The following NPHS1 variants were observed in gnomAD, a reference collection of about 807,000 sequenced individuals.
NPHS1 encodes the protein nephrin.
Under a neutral mutation model 139.7 loss-of-function variants are expected in NPHS1, and 107 were observed. The ratio of observed to expected loss-of-function variants is 0.77; its 90% CI spans 0.66 to 0.90. The LOEUF (loss-of-function observed/expected upper bound fraction) is 0.90. Ranked by LOEUF, NPHS1 falls within the 40% of genes least tolerant of loss-of-function variation. NPHS1 has a pLI of 0.00. For synonymous variants in NPHS1, 707 were observed against 706.6 expected (o/e 1.00, Z -0.01); for missense variants, 1,580 against 1,654.2 (o/e 0.96, Z 0.78).
At position 35,826,499 on chromosome 19, in the gene NPHS1, G is replaced by A; in HGVS notation, c.*15C>T. On this transcript the variant is annotated 3_prime_UTR_variant, in exon 29 of 29. Coordinates refer to ENST00000378910, the MANE Select transcript of NPHS1 (RefSeq NM_004646.4). ...AAATTCCTGCAGGTGCAGGACAATG[G>A]GGTTGAGAGGGCTCTTACACCAGAT... 4 of 1,613,260 alleles carry A rather than the reference G, an allele frequency of 2.5e-6. No homozygotes were observed. Among genetic ancestry groups the A allele is most frequent in the Non-Finnish European group, 3.4e-6 (4 of 1,179,934 alleles).
intron 22 of NPHS1, among the ~76,000 whole-genome samples, chr19:35,838,484 C>T (rs985198164): frequency 6.6e-6 from 1 of 151,864 alleles, no homozygotes; most frequent in Non-Finnish European, 1.5e-5. Context: ...ACCCGGGAGG[C>T]GGAGGTTGTA....
At position 35,844,354 on chromosome 19, in the gene NPHS1, A is replaced by T; in HGVS notation, c.2036T>A (p.Phe679Tyr). 1 of 1,613,824 alleles carries T rather than the reference A, an allele frequency of 6.2e-7. No homozygotes were observed. The change falls in exon 15 of 29, where the codon TTC becomes TAC. Residue 679 changes from phenylalanine to tyrosine, a missense_variant. By Grantham distance (22) the Phe-to-Tyr change is conservative (BLOSUM62 3). Transcript: ENST00000378910. The stretch of plus-strand genomic sequence containing the variant: ...GCGATAGCCGCGGAAGGTCCAGTTG[A>T]AGGCCTCGGGGGCGGGGTTAGCGGA... ...SVSANPAPEAFNWTFRGYRLS... is the reference protein window; with the variant it reads ...SVSANPAPEAYNWTFRGYRLS...
chr19:35,841,130 C>G (rs1281172890), intron 20 of NPHS1, among the ~76,000 whole-genome samples: 1 of 151,726 alleles, frequency 6.6e-6, no homozygotes, highest in Non-Finnish European at 1.5e-5. Context: ...TGTAATCCCA[C>G]CACTTTGGGA....
Position 35,826,452 on chromosome 19 carries a change from A to G in NPHS1, c.*62T>C. ...CCTAACCAGCTCGGCCCAGGCTGTAATGAGAGAGACCAGTGGAGTGTAAAT... is the reference window on the plus strand; with the variant it reads ...CCTAACCAGCTCGGCCCAGGCTGTAGTGAGAGAGACCAGTGGAGTGTAAAT... On this transcript the variant is annotated 3_prime_UTR_variant, in exon 29 of 29. Transcript: ENST00000378910. 10 of 1,604,836 alleles carry G rather than the reference A, an allele frequency of 6.2e-6. No individual in the cohort carries two copies. Among genetic ancestry groups the G allele is most frequent in the Non-Finnish European group, 8.5e-6 (10 of 1,173,330 alleles).
At chr19:35,836,342 C>T (rs1340129895) in intron 22 of NPHS1, among the ~76,000 whole-genome samples, 3 of 151,066 alleles carry the variant, frequency 2.0e-5, no homozygotes, top group African/African-American at 4.9e-5. Flanking sequence ...ACTGCAGCCT[C>T]GACCTCCTGG....
intron 28 of NPHS1, among the ~76,000 whole-genome samples, chr19:35,827,811 G>A (rs1972817822): frequency 6.6e-6 from 1 of 152,156 alleles, no homozygotes; most frequent in Non-Finnish European, 1.5e-5. Flanking sequence ...CAGCTACTTG[G>A]GAGGCTGAGG....
In NPHS1 at chr19:35,842,104, C is replaced by T; in HGVS notation, c.2663+20G>A. 1.9e-6 allele frequency: 3 copies of T among 1,597,526 alleles called. No homozygotes were observed. Among genetic ancestry groups the T allele is most frequent in the Non-Finnish European group, 2.6e-6 (3 of 1,173,066 alleles). ...TCCAGACCTGGGGCTGGAGTGCTGC[C>T]TGGCTGGGCTTGGGCTCACCTGGGA... On this transcript the variant is annotated intron_variant, in intron 19 of 28. Coordinates refer to ENST00000378910, the MANE Select transcript of NPHS1 (RefSeq NM_004646.4).
At chr19:35,849,784 T>C (rs946224665) in intron 5 of NPHS1, 131 bp from the exon 6 acceptor site, 27 of 728,278 alleles carry the variant, frequency 3.7e-5, no homozygotes, top group Non-Finnish European at 4.4e-5. Context: ...TCCTCTGGGA[T>C]CCAGGGTTCC....
chr19:35,833,651 C>T (rs902387608), intron 23 of NPHS1, among the ~76,000 whole-genome samples: 2 of 152,060 alleles, frequency 1.3e-5, no homozygotes, highest in African/African-American at 2.4e-5. Flanking sequence ...TTTTTGAGCA[C>T]CTGAAAGTGG....
At chr19:35,835,293 CTTT>C (rs34868479) in intron 23 of NPHS1, among the ~76,000 whole-genome samples, 17 of 38,098 alleles carry the variant, frequency 4.5e-4, no homozygotes, top group African/African-American at 4.9e-4. Flanking sequence ...AGAACTAAGT[CTTT>C]TTTTTTTTTT....
chr19:35,828,939 G>C (rs1275955691), intron 28 of NPHS1, among the ~76,000 whole-genome samples: 1 of 144,984 alleles, frequency 6.9e-6, no homozygotes, highest in Non-Finnish European at 1.5e-5. Flanking sequence ...CGTTCACAGA[G>C]ACAGAAGGAA....
Position 35,832,988 on chromosome 19 carries a change from G to A in NPHS1, c.3167-1226C>T, listed in dbSNP as rs570596035. Reference sequence around the variant, plus strand: ...CAACCTCCACCTGCAGGGTTCAAGCGATTCTTCTCCCTCAGCCTCCCAAGT... The same window carrying A: ...CAACCTCCACCTGCAGGGTTCAAGCAATTCTTCTCCCTCAGCCTCCCAAGT... On this transcript the variant is annotated intron_variant, in intron 23 of 28. Transcript: ENST00000378910. 1.0e-4 allele frequency among the ~76,000 whole-genome samples: 15 copies of A among 149,622 alleles called. 1 individual carries two copies. Among genetic ancestry groups the A allele is most frequent in the Middle Eastern group, 3.5e-3 (1 of 286 alleles).
chr19:35,847,371 T>TTTAA (rs1973158987), intron 11 of NPHS1, among the ~76,000 whole-genome samples: 9 of 137,386 alleles, frequency 6.6e-5, no homozygotes, highest in African/African-American at 2.6e-4. Context: ...TTTTTTTTTT[T>TTTAA]GAGACGGAGT....
chr19:35,846,274 G>T, intron 11 of NPHS1, 80 bp from the exon 12 acceptor site: 1 of 1,437,760 alleles, frequency 7.0e-7, no homozygotes, highest in Non-Finnish European at 9.4e-7. Flanking sequence ...CTGCCCACTG[G>T]GTTGGTGCCG....
At chr19:35,842,010 TCACTCATTCCTC>T in intron 19 of NPHS1, 102 bp downstream of exon 19, 1 of 1,408,290 alleles carries the variant, frequency 7.1e-7, no homozygotes, top group South Asian at 1.2e-5. Flanking sequence ...AACCATTCAC[TCACTCATTCCTC>T]CACCCATTCG....
intron 22 of NPHS1, among the ~76,000 whole-genome samples, chr19:35,837,123 C>T (rs1308840645): frequency 2.0e-5 from 3 of 151,822 alleles, no homozygotes; most frequent in Non-Finnish European, 4.4e-5. Flanking sequence ...GAAACTGAGA[C>T]ACTTGCCTAT....
intron 11 of NPHS1, among the ~76,000 whole-genome samples, chr19:35,847,239 G>A (rs1973156132): frequency 6.7e-6 from 1 of 148,448 alleles, no homozygotes; most frequent in African/African-American, 2.5e-5. Context: ...TAGAGACGGA[G>A]TTTCACCGTG....
intron 23 of NPHS1, among the ~76,000 whole-genome samples, chr19:35,832,602 G>A (rs557661304): frequency 2.0e-5 from 3 of 151,390 alleles, no homozygotes; most frequent in East Asian, 2.0e-4. Flanking sequence ...TAATTAAGAC[G>A]GAGTTGGCTG....
chr19:35,830,022 T>C (rs963336616), intron 28 of NPHS1, among the ~76,000 whole-genome samples: 4 of 152,184 alleles, frequency 2.6e-5, no homozygotes, highest in Non-Finnish European at 5.9e-5. Context: ...ATGACAATTG[T>C]ATGCCTTGAT....
Sources: gnomAD v4.1 joint callset for allele counts (sites outside exome capture counted in the v4.1 genomes callset) on GRCh38, gnomAD v4.1.1 for gene constraint, MANE v1.5 for transcripts, NCBI Gene and HGNC (gene_info 2026-07-23, HGNC 2026-07-21) for gene names.